The following TRAK1 variants were observed in gnomAD, a reference collection of about 807,000 sequenced individuals.
TRAK1 encodes trafficking kinesin-binding protein 1.
Under a neutral mutation model 92.1 loss-of-function variants are expected in TRAK1, and 33 were observed. That is an observed-to-expected ratio of 0.36 (90% confidence interval 0.27 to 0.48). The LOEUF (loss-of-function observed/expected upper bound fraction) is 0.48, where lower values mean the gene tolerates loss of function less well. Among genes scored for constraint, TRAK1 ranks in the 20% least tolerant of loss-of-function variants. The pLI is 0.99. For missense variants in TRAK1, 1,123 were observed against 1,257.9 expected (o/e 0.89, Z 1.62); for synonymous variants, 521 against 517.3 (o/e 1.01, Z -0.10).
chr3:42,111,794 T>G (rs957685546), intron 1 of TRAK1, among the ~76,000 whole-genome samples: 3 of 152,190 alleles, frequency 2.0e-5, no homozygotes, highest in African/African-American at 7.2e-5. Context: ...CATTCTGTTT[T>G]GGGCTGGGTT....
intron 1 of TRAK1, among the ~76,000 whole-genome samples, chr3:42,035,324 C>T (rs181709918): frequency 4.6e-5 from 7 of 152,264 alleles, no homozygotes; most frequent in African/African-American, 1.7e-4. Flanking sequence ...CTGGTGATCT[C>T]GCCAGGCCAG....
Position 42,184,718 on chromosome 3 carries a change from G to A in TRAK1, c.397G>A (p.Gly133Ser), listed in dbSNP as rs1334563659. 1.9e-6 allele frequency: 3 copies of A among 1,614,112 alleles called. No homozygotes were observed. Among genetic ancestry groups the A allele is most frequent in the Admixed American group, 1.7e-5 (1 of 60,012 alleles). Residue 133 changes from glycine (G) to serine (S), a missense_variant, in exon 4 of 16, where the codon GGC (glycine) becomes AGC (serine). By Grantham distance (56) the Gly-to-Ser change is moderately conservative. Coordinates refer to ENST00000327628, the MANE Select transcript of TRAK1 (RefSeq NM_001042646.3). The part of the protein sequence containing the change: ...ERDLELAARI[G>S]QSLLKKNKTL... ...GGATTTAGAATTGGCCGCTCGCATC[G>A]GCCAGTCGTTGTTGAAGAAGAACAA...
At chr3:42,108,226 C>G (rs1293538322) in intron 1 of TRAK1, among the ~76,000 whole-genome samples, 1 of 152,056 alleles carries the variant, frequency 6.6e-6, no homozygotes, top group African/African-American at 2.4e-5. Flanking sequence ...GGCAGTGGCT[C>G]AAGCCTGTAA....
chr3:42,182,098 C>T (rs1037355499), intron 3 of TRAK1, among the ~76,000 whole-genome samples: 4 of 151,750 alleles, frequency 2.6e-5, no homozygotes, highest in African/African-American at 7.3e-5. Flanking sequence ...CCACTGCACC[C>T]GGCCAAGGGA....
chr3:42,038,969 A>G (rs1382429724), intron 1 of TRAK1, among the ~76,000 whole-genome samples: 2 of 151,888 alleles, frequency 1.3e-5, no homozygotes, highest in Non-Finnish European at 2.9e-5. Flanking sequence ...AGTTCATCCA[A>G]TTAGTGATTT....
chr3:42,201,174 C>G, intron 12 of TRAK1, 120 bp downstream of exon 12: 1 of 1,115,432 alleles, frequency 9.0e-7, no homozygotes, highest in Non-Finnish European at 1.3e-6. Flanking sequence ...AAAATACAGA[C>G]CTGGCCGGGC....
intron 15 of TRAK1, among the ~76,000 whole-genome samples, chr3:42,222,536 A>G (rs1484303158): frequency 6.6e-6 from 1 of 152,210 alleles, no homozygotes; most frequent in Non-Finnish European, 1.5e-5. Context: ...GAATCTGGGT[A>G]AATTTGGTGG....
intron 2 of TRAK1, among the ~76,000 whole-genome samples, 182 bp from the exon 3 acceptor site, chr3:42,176,632 A>G (rs1343050638): frequency 2.0e-5 from 3 of 152,206 alleles, no homozygotes; most frequent in African/African-American, 4.8e-5. Context: ...CTCATCCTCC[A>G]GTCGTTGGAA....
chr3:42,096,688 A>C (rs1386449468), intron 1 of TRAK1, among the ~76,000 whole-genome samples: 12 of 152,380 alleles, frequency 7.9e-5, no homozygotes. Flanking sequence ...ATGAGCAATT[A>C]GGCCCTGCCC....
chr3:42,166,558 G>T (rs1311561806), intron 2 of TRAK1, among the ~76,000 whole-genome samples: 1 of 152,218 alleles, frequency 6.6e-6, no homozygotes, highest in Non-Finnish European at 1.5e-5. Context: ...TATGTATGTT[G>T]TGGGCTTCTT....
At chr3:42,018,266 T>TA (rs11289370) in intron 1 of TRAK1, among the ~76,000 whole-genome samples, 251 of 146,116 alleles carry the variant, frequency 1.7e-3, no homozygotes, top group African/African-American at 4.8e-3. Context: ...AGACCCCATC[T>TA]AAAAAAAAAA....
intron 2 of TRAK1, among the ~76,000 whole-genome samples, chr3:42,156,883 C>T (rs1700595123): frequency 6.6e-6 from 1 of 152,166 alleles, no homozygotes; most frequent in South Asian, 2.1e-4. Context: ...GGTTCTGTGG[C>T]TCATGCCCGT....
At chr3:42,015,773 G>C (rs1277202761) in intron 1 of TRAK1, among the ~76,000 whole-genome samples, 2 of 152,166 alleles carry the variant, frequency 1.3e-5, no homozygotes, top group Non-Finnish European at 1.5e-5. Flanking sequence ...ATGGTGACTT[G>C]TGCGTGTATT....
intron 4 of TRAK1, among the ~76,000 whole-genome samples, chr3:42,186,089 C>A (rs974936513): frequency 4.0e-5 from 6 of 149,728 alleles, no homozygotes; most frequent in African/African-American, 1.5e-4. Context: ...TTCAAGCGAT[C>A]CTCCCACCTC....
intron 1 of TRAK1, among the ~76,000 whole-genome samples, chr3:42,079,482 T>TTTG (rs1237822488): frequency 6.7e-6 from 1 of 149,320 alleles, no homozygotes; most frequent in Non-Finnish European, 1.5e-5. Flanking sequence ...TTCTTCTTTT[T>TTTG]TTTTTTTTTT....
chr3:42,129,235 A>G (rs1696875312), intron 2 of TRAK1, among the ~76,000 whole-genome samples: 1 of 152,032 alleles, frequency 6.6e-6, no homozygotes, highest in East Asian at 1.9e-4. Flanking sequence ...AGTATGTTGT[A>G]TCAGTTTTGA....
intron 13 of TRAK1, among the ~76,000 whole-genome samples, chr3:42,207,660 C>T (rs887519610): frequency 1.3e-5 from 2 of 152,130 alleles, no homozygotes; most frequent in Non-Finnish European, 2.9e-5. Context: ...TATAGGGAAG[C>T]TTAATTTAAA....
At chr3:42,186,996 A>C (rs934018675) in intron 4 of TRAK1, among the ~76,000 whole-genome samples, 1 of 152,234 alleles carries the variant, frequency 6.6e-6, no homozygotes, top group Admixed American at 6.5e-5. Context: ...CTGGTTCCCT[A>C]TTCTTCAGTA....
At chr3:42,118,899 G>A (rs1323916385) in intron 1 of TRAK1, among the ~76,000 whole-genome samples, 2 of 152,196 alleles carry the variant, frequency 1.3e-5, no homozygotes, top group African/African-American at 4.8e-5. Flanking sequence ...CTCTATGCTG[G>A]ATAAAGACCT....
Sources: allele counts gnomAD v4.1 joint callset (sites outside exome capture counted in the v4.1 genomes callset), GRCh38; gene constraint gnomAD v4.1.1; transcripts MANE v1.5; gene names NCBI Gene and HGNC (gene_info 2026-07-23, HGNC 2026-07-21).